PRELID2: variants seen among roughly 807,000 people sequenced by gnomAD.
The protein encoded by PRELID2 is PRELI domain containing 2.
In PRELID2, 25 loss-of-function variants were observed where a neutral mutation model predicts 28.4. That is an observed-to-expected ratio of 0.88 (90% CI 0.64 to 1.23). PRELID2 has a LOEUF of 1.23. Ranked by LOEUF, PRELID2 falls within the 50% of genes most tolerant of loss-of-function variation. The pLI is 0.00. For missense variants in PRELID2, 201 were observed against 214.4 expected (o/e 0.94, Z 0.39); for synonymous variants, 76 against 71.6 (o/e 1.06, Z -0.31).
intron 1 of PRELID2, among the ~76,000 whole-genome samples, chr5:145,654,698 AC>A (rs557394425): frequency 1.4e-4 from 21 of 151,830 alleles, no homozygotes; most frequent in Admixed American, 1.2e-3. Flanking sequence ...AAATTCAACA[AC>A]CCTTCATGCT....
the PRELID2 span, among the ~76,000 whole-genome samples, chr5:145,304,391 G>A: frequency 5.9e-5 from 9 of 152,008 alleles, no homozygotes; most frequent in East Asian, 1.9e-4. Context: ...TCTCACTTTC[G>A]AGAGACATGC....
rs531878271 is a variant in PRELID2, at chr5:145,640,170, G to A, written n.70+124761C>T. Among the ~76,000 whole-genome samples the A allele has an allele frequency of 5.9e-5, 9 of 152,234 alleles. No individual in the cohort carries two copies. The South Asian group carries it at 8.3e-4, about 14-fold the overall frequency. ...AATTCACTTGGAAAGGTGAAACCCC[G>A]TCTGTACTGAAAAAATACAAAAAAA... On this transcript the variant is annotated intron_variant and non_coding_transcript_variant, in intron 1 of 2. Coordinates refer to the PRELID2 transcript ENST00000510259.
chr5:145,602,962 G>T (rs1465264509), intron 1 of PRELID2, among the ~76,000 whole-genome samples: 1 of 152,136 alleles, frequency 6.6e-6, no homozygotes, highest in Non-Finnish European at 1.5e-5. Context: ...TGAGGCATGA[G>T]AATTGCTTGA....
chr5:145,524,564 C>T (rs1186881236), intron 1 of PRELID2, among the ~76,000 whole-genome samples: 1 of 152,220 alleles, frequency 6.6e-6, no homozygotes, highest in Non-Finnish European at 1.5e-5. Flanking sequence ...TGGTTTTGTT[C>T]TCCATGTGGT....
intron 1 of PRELID2, among the ~76,000 whole-genome samples, chr5:145,545,175 C>T (rs1030959636): frequency 6.6e-6 from 1 of 152,124 alleles, no homozygotes; most frequent in African/African-American, 2.4e-5. Flanking sequence ...AACACCTTCT[C>T]AATCCCTAGA....
Position 145,756,432 on chromosome 5 carries a change from T to A in PRELID2, c.*4104A>T, listed in dbSNP as rs144045549. On this transcript the variant is annotated 3_prime_UTR_variant, in exon 7 of 7. Transcript: ENST00000683046. ...TTATAGCTCTATATCACAATAACAC[T>A]GAATCAGAAACACTTCATCCCACAT... Among the ~76,000 whole-genome samples the A allele has an allele frequency of 2.0e-5, 3 of 152,298 alleles. No individual in the cohort carries two copies. The East Asian group carries it at 5.8e-4, about 29-fold the overall frequency.
At chr5:145,421,766 T>A in the PRELID2 span, among the ~76,000 whole-genome samples, 1 of 136,770 alleles carries the variant, frequency 7.3e-6, no homozygotes, top group Non-Finnish European at 1.6e-5. Context: ...ATTTCTTGCC[T>A]TCTGCTAGCT....
chr5:145,593,431 C>T (rs1594674), intron 1 of PRELID2, among the ~76,000 whole-genome samples: 10,856 of 152,098 alleles, frequency 0.071, 580 homozygotes, highest in Admixed American at 0.18. Flanking sequence ...AGAGTTAATC[C>T]GAACAGCCAG....
At chr5:145,553,094 A>C (rs1312114065) in intron 1 of PRELID2, among the ~76,000 whole-genome samples, 3 of 152,136 alleles carry the variant, frequency 2.0e-5, no homozygotes, top group Non-Finnish European at 4.4e-5. Context: ...CAGAGAGTTC[A>C]CTTGAATTAA....
At chr5:145,507,163 G>C (rs189092887) in intron 1 of PRELID2, among the ~76,000 whole-genome samples, 5 of 151,466 alleles carry the variant, frequency 3.3e-5, no homozygotes, top group African/African-American at 1.2e-4. Context: ...TCATTCCAAT[G>C]TTAGTCCCTC....
chr5:145,423,526 A>T, the PRELID2 span, among the ~76,000 whole-genome samples: 2 of 150,646 alleles, frequency 1.3e-5, no homozygotes, highest in Non-Finnish European at 3.0e-5. Flanking sequence ...AGTTGATCGC[A>T]TCGGCTCCTG....
chr5:145,335,673 C>A, the PRELID2 span, among the ~76,000 whole-genome samples: 2 of 152,104 alleles, frequency 1.3e-5, no homozygotes, highest in African/African-American at 2.4e-5. Context: ...ACCCAACTAC[C>A]AAAACCAATG....
chr5:145,773,944 C>T (rs1020425782), intron 5 of PRELID2, among the ~76,000 whole-genome samples: 2 of 152,148 alleles, frequency 1.3e-5, no homozygotes, highest in African/African-American at 4.8e-5. Context: ...GTATCTCTAC[C>T]CTTCTCCTTC....
intron 1 of PRELID2, among the ~76,000 whole-genome samples, chr5:145,624,966 A>G (rs2149654426): frequency 6.6e-6 from 1 of 152,324 alleles, no homozygotes; most frequent in South Asian, 2.1e-4. Context: ...CAAATGTCCC[A>G]TAATCATAAG....
At chr5:145,465,711 CAGTG>C in the PRELID2 span, among the ~76,000 whole-genome samples, 83 of 152,098 alleles carry the variant, frequency 5.5e-4, no homozygotes, top group Non-Finnish European at 9.7e-4. Flanking sequence ...CAGTGCCAAA[CAGTG>C]AGTGAGTGCT....
chr5:145,778,572 G>C (rs1457398413), intron 5 of PRELID2, among the ~76,000 whole-genome samples: 2 of 152,168 alleles, frequency 1.3e-5, no homozygotes, highest in Non-Finnish European at 2.9e-5. Flanking sequence ...GTACCAACTG[G>C]GGAAGCTGCT....
At chr5:145,637,525 A>C (rs1754020029) in intron 1 of PRELID2, among the ~76,000 whole-genome samples, 1 of 152,234 alleles carries the variant, frequency 6.6e-6, no homozygotes, top group Non-Finnish European at 1.5e-5. Context: ...AAAAAAAAGA[A>C]AAGCATTTCT....
the PRELID2 span, among the ~76,000 whole-genome samples, chr5:145,316,486 G>C: frequency 6.6e-6 from 1 of 152,084 alleles, no homozygotes; most frequent in Non-Finnish European, 1.5e-5. Context: ...CATACACCAC[G>C]CAGCTAAAAA....
At chr5:145,229,023 G>T in the PRELID2 span, 1 of 1,602,438 alleles carries the variant, frequency 6.2e-7, no homozygotes. Context: ...GTTTGTGGAG[G>T]AGTTCATCTG....
Sources: allele counts gnomAD v4.1 joint callset (sites outside exome capture counted in the v4.1 genomes callset), GRCh38; gene constraint gnomAD v4.1.1; transcripts MANE v1.5; gene names NCBI Gene and HGNC (gene_info 2026-07-23, HGNC 2026-07-21).